Variants in RNMT observed in about 807,000 individuals in gnomAD.
The protein encoded by RNMT is RNA guanine-7 methyltransferase.
A neutral mutation model predicts 56.0 loss-of-function variants in RNMT; 27 were observed. The observed-to-expected ratio is 0.48, with a 90% CI of 0.36 to 0.67. RNMT has a LOEUF of 0.67. Ranked by LOEUF, RNMT falls within the 30% of genes least tolerant of loss-of-function variation. RNMT has a pLI of 0.00. For synonymous variants in RNMT, 184 were observed against 176.2 expected, an observed-to-expected ratio of 1.04 and a Z score of -0.35; for missense variants, 519 against 552.1, an observed-to-expected ratio of 0.94 and a Z score of 0.60.
intron 3 of RNMT, among the ~76,000 whole-genome samples, chr18:13,733,830 A>G (rs934569193): frequency 1.3e-5 from 2 of 152,234 alleles, no homozygotes; most frequent in Admixed American, 1.3e-4. Flanking sequence ...CTGGAAGAGT[A>G]CTGGGTTTAT....
intron 4 of RNMT, among the ~76,000 whole-genome samples, chr18:13,734,865 A>G (rs1163617532): frequency 6.6e-6 from 1 of 152,208 alleles, no homozygotes; most frequent in Non-Finnish European, 1.5e-5. Flanking sequence ...GTTTTGGAGC[A>G]ACTGCATATT....
In RNMT at chr18:13,761,869, C is replaced by CCT; in HGVS notation, c.*1890_*1891insCT. 6 of 1,211,004 alleles carry CCT rather than the reference C, an allele frequency of 5.0e-6. No homozygotes were observed. The highest frequency in any genetic ancestry group is 2.4e-5 in the South Asian group (1 of 41,348). The allele number at this position is 1,211,004 out of a possible 1,614,324, so 75.0% of individuals were successfully genotyped here. ...CCCCCCTCCCCCCGGCCCCAAGCCC[C>CCT]TGTGTCTCCTTGTTACAATTAAGTT... On this transcript the variant is annotated 3_prime_UTR_variant, in exon 12 of 12. Coordinates refer to ENST00000383314, the MANE Select transcript of RNMT (RefSeq NM_003799.3).
chr18:13,748,824 A>C (rs1041324046), intron 9 of RNMT, among the ~76,000 whole-genome samples: 2 of 152,206 alleles, frequency 1.3e-5, no homozygotes, highest in African/African-American at 4.8e-5. Flanking sequence ...TCATGCCTGT[A>C]ACCCCAGCAC....
At chr18:13,748,872 G>A (rs1407595711) in intron 9 of RNMT, among the ~76,000 whole-genome samples, 3 of 152,172 alleles carry the variant, frequency 2.0e-5, no homozygotes, top group Admixed American at 6.5e-5. Flanking sequence ...CTGAGGTCAG[G>A]AGTTGTAGAG....
Position 13,731,834 on chromosome 18 carries a change from A to G in RNMT, c.317A>G (p.Lys106Arg). The G allele has an allele frequency of 6.2e-7, 1 of 1,613,552 alleles. No homozygotes were observed. The highest frequency in any genetic ancestry group is 8.5e-7 in the Non-Finnish European group (1 of 1,179,920). ...GCTGAAGGCAATTCAAAGAAAAGAA[A>G]AAGAGAAACTGAGGATGTTCCAAAA... is the stretch of plus-strand genomic sequence containing the variant. ...GDAEGNSKKR[K>R]RETEDVPKDK... Residue 106 changes from lysine (K) to arginine (R), a missense_variant, in exon 3 of 12, where the codon AAA (lysine) becomes AGA (arginine). By Grantham distance (26) the Lys-to-Arg change is conservative. Coordinates refer to ENST00000383314, the MANE Select transcript of RNMT (RefSeq NM_003799.3).
chr18:13,729,557 C>G (rs2044032172), intron 1 of RNMT, among the ~76,000 whole-genome samples: 1 of 152,024 alleles, frequency 6.6e-6, no homozygotes, highest in African/African-American at 2.4e-5. Context: ...AGTATTTGTT[C>G]TGAAAATCAC....
chr18:13,751,981 C>T (rs987728056), intron 9 of RNMT, among the ~76,000 whole-genome samples: 1 of 151,788 alleles, frequency 6.6e-6, no homozygotes, highest in Non-Finnish European at 1.5e-5. Context: ...GGGGTGGGGG[C>T]CTGGGGGAGG....
chr18:13,750,490 C>G (rs2044422458), intron 9 of RNMT, among the ~76,000 whole-genome samples: 1 of 151,894 alleles, frequency 6.6e-6, no homozygotes, highest in African/African-American at 2.4e-5. Context: ...TGTGAATATC[C>G]TAAGATTATG....
At chr18:13,756,793 C>T (rs192735320) in intron 11 of RNMT, among the ~76,000 whole-genome samples, 463 of 152,256 alleles carry the variant, frequency 3.0e-3, no homozygotes, top group Non-Finnish European at 5.0e-3. Flanking sequence ...TGTTCATCTA[C>T]CCTCCCTTCA....
intron 8 of RNMT, among the ~76,000 whole-genome samples, chr18:13,743,695 A>G (rs902400274): frequency 1.3e-5 from 2 of 152,046 alleles, no homozygotes; most frequent in African/African-American, 4.8e-5. Context: ...TACTTTTTAG[A>G]AACAAAAATC....
In RNMT at chr18:13,730,182, T is replaced by G. The variant is rs79045973; in HGVS notation, c.-171-445T>G. 8.3e-4 allele frequency among the ~76,000 whole-genome samples: 126 copies of G among 152,316 alleles called. 3 individuals carry two copies. In the East Asian group the frequency reaches 0.02, roughly 24 times the overall value. The stretch of plus-strand genomic sequence containing the variant: ...TCTCCATAGTAGGAGGTCACTAAAT[T>G]TGTTGAATGGCTTAATAAATGAACC... On this transcript the variant is annotated intron_variant, in intron 1 of 11. Transcript: ENST00000383314.
At chr18:13,746,180 CAT>C (rs777124917) in intron 8 of RNMT, 38 bp from the exon 9 acceptor site, 83 of 1,042,744 alleles carry the variant, frequency 8.0e-5, no homozygotes, top group Non-Finnish European at 1.1e-4. Flanking sequence ...GAATTACAAA[CAT>C]GTGGAAGCTT....
At position 13,761,013 on chromosome 18, in the gene RNMT, T is replaced by C. The variant is rs1044791990; in HGVS notation, c.*1034T>C. 2.6e-5 allele frequency: 26 copies of C among 985,304 alleles called. No individual in the cohort carries two copies. The highest frequency in any genetic ancestry group is 3.1e-5 in the Non-Finnish European group (26 of 829,786). 61.0% of individuals were successfully genotyped at this position (985,304 alleles called of 1,614,324 possible). On this transcript the variant is annotated 3_prime_UTR_variant, in exon 12 of 12. Transcript: ENST00000383314. ...TGGAAAACTTACCAGTTTTTAGATG[T>C]AGATGTAGTGAAAAACTTCAAGAAT...
rs1471556648 is a variant in RNMT, at chr18:13,726,703, C to G, written c.-198C>G. The G allele has an allele frequency of 6.6e-6, 1 of 152,324 alleles. No individual in the cohort carries two copies. Among genetic ancestry groups the G allele is most frequent in the Non-Finnish European group, 1.5e-5 (1 of 68,114 alleles). The allele number at this position is 152,324 out of a possible 1,614,324, so 9.4% of individuals were successfully genotyped here. A position where few individuals can be genotyped will look rare whatever the true frequency, so the allele number is the denominator to read the frequency against. On this transcript the variant is annotated 5_prime_UTR_variant, in exon 1 of 12. Coordinates refer to ENST00000383314, the MANE Select transcript of RNMT (RefSeq NM_003799.3). ...CGCGTGGCGCGGGCCGCCGTTTCCG[C>G]AAACAGAATCGCGTTTGGCTGTGCT...
rs1305820820 is a variant in RNMT, at chr18:13,761,017, T to C, written c.*1038T>C. 2.0e-6 allele frequency: 2 copies of C among 985,242 alleles called. No individual in the cohort carries two copies. Among genetic ancestry groups the C allele is most frequent in the Non-Finnish European group, 2.4e-6 (2 of 829,846 alleles). 61.0% of individuals were successfully genotyped at this position (985,242 alleles called of 1,614,324 possible). A position where few individuals can be genotyped will look rare whatever the true frequency, so the allele number is the denominator to read the frequency against. ...AAACTTACCAGTTTTTAGATGTAGA[T>C]GTAGTGAAAAACTTCAAGAATGAAG... On this transcript the variant is annotated 3_prime_UTR_variant, in exon 12 of 12. Transcript: ENST00000383314.
intron 9 of RNMT, among the ~76,000 whole-genome samples, chr18:13,749,256 C>T (rs1050916392): frequency 6.6e-6 from 1 of 152,066 alleles, no homozygotes; most frequent in Non-Finnish European, 1.5e-5. Flanking sequence ...GACAGGCATT[C>T]AAAAACGAAG....
At chr18:13,750,960 T>C (rs1158433034) in intron 9 of RNMT, among the ~76,000 whole-genome samples, 4 of 152,208 alleles carry the variant, frequency 2.6e-5, no homozygotes, top group African/African-American at 7.2e-5. Context: ...ATATAAAAAT[T>C]AACTCAAGAT....
Position 13,741,705 on chromosome 18 carries a change from AAT to A in RNMT, c.974+19_974+20del. 1.3e-6 allele frequency: 2 copies of A among 1,551,722 alleles called. No homozygotes were observed. The highest frequency in any genetic ancestry group is 1.8e-6 in the Non-Finnish European group (2 of 1,138,898). On this transcript the variant is annotated intron_variant, in intron 7 of 11. Transcript: ENST00000383314. Reference sequence around the variant, plus strand: ...CTTTGAATTGATGTAAGTACTTCTAAATATATTGTGGTTTATAAAATATTCAG... The same window carrying A: ...CTTTGAATTGATGTAAGTACTTCTAAATATTGTGGTTTATAAAATATTCAG...
At position 13,742,826 on chromosome 18, in the gene RNMT, C is replaced by T. The variant is rs1312144425; in HGVS notation, c.1139+174C>T. On this transcript the variant is annotated intron_variant, in intron 8 of 11. Coordinates refer to ENST00000383314, the MANE Select transcript of RNMT (RefSeq NM_003799.3). ...AAAAAACAAAACAAGACTAGCTTCA[C>T]ATCTAGGGGATTATTGCCATAGGTC... 1.4e-5 allele frequency: 7 copies of T among 503,710 alleles called. No homozygotes were observed. In the East Asian group the frequency reaches 2.6e-4, roughly 18 times the overall value. 31.2% of individuals were successfully genotyped at this position (503,710 alleles called of 1,614,324 possible). A position where few individuals can be genotyped will look rare whatever the true frequency, so the allele number is the denominator to read the frequency against.
Sources: allele counts gnomAD v4.1 joint callset (sites outside exome capture counted in the v4.1 genomes callset), GRCh38; gene constraint gnomAD v4.1.1; transcripts MANE v1.5; gene names NCBI Gene and HGNC (gene_info 2026-07-23, HGNC 2026-07-21).